The following NAV2 variants were observed in gnomAD, a reference collection of about 807,000 sequenced individuals.
NAV2 encodes the protein helicase, APC down-regulated 1.
A neutral mutation model predicts 223.2 loss-of-function variants in NAV2; 54 were observed. The ratio of observed to expected loss-of-function variants is 0.24; its 90% CI spans 0.19 to 0.30. The LOEUF is 0.30. Among genes scored for constraint, NAV2 ranks in the 10% least tolerant of loss-of-function variants. The probability of loss-of-function intolerance (pLI) is 1.00; values close to 1 mark genes in which losing one functional copy is unlikely to be tolerated. For synonymous variants in NAV2, 1,279 were observed against 1,239.3 expected (o/e 1.03, Z -0.67); for missense variants, 2,806 against 3,147.5 (o/e 0.89, Z 2.60).
intron 1 of NAV2, among the ~76,000 whole-genome samples, chr11:19,671,165 C>G (rs901350854): frequency 1.3e-5 from 2 of 152,204 alleles, no homozygotes; most frequent in Admixed American, 1.3e-4. Flanking sequence ...TATCTCTGAT[C>G]TAGTTCTTGA....
chr11:19,611,627 C>A (rs751090430), intron 1 of NAV2, among the ~76,000 whole-genome samples: 251 of 152,296 alleles, frequency 1.6e-3, no homozygotes, highest in Non-Finnish European at 3.2e-3. Flanking sequence ...TTTAAAGCTC[C>A]AAAATGATCT....
intron 1 of NAV2, among the ~76,000 whole-genome samples, chr11:19,644,513 G>A (rs76622848): frequency 0.011 from 1,675 of 152,348 alleles, 29 homozygotes; most frequent in African/African-American, 0.038. Flanking sequence ...CAGGAAGGCG[G>A]ACTGTGGTCT....
At chr11:19,966,638 A>T (rs2048795991) in intron 10 of NAV2, among the ~76,000 whole-genome samples, 1 of 151,932 alleles carries the variant, frequency 6.6e-6, no homozygotes, top group Non-Finnish European at 1.5e-5. Context: ...TCTGTCCATA[A>T]ACTCCTCCCC....
chr11:20,080,059 T>C lies in NAV2; in HGVS notation c.5180-5T>C, dbSNP rs199665483. On this transcript the variant is annotated splice_region_variant and splice_polypyrimidine_tract_variant and intron_variant, in intron 24 of 37. Transcript: ENST00000349880. ...GCTGCTGAAACACCCTGCCTTGGTCTCCAGGAAACGGCACTGCCCAGTCTG... is the reference window on the plus strand; with the variant it reads ...GCTGCTGAAACACCCTGCCTTGGTCCCCAGGAAACGGCACTGCCCAGTCTG... The C allele has an allele frequency of 9.3e-6, 15 of 1,613,174 alleles. No individual in the cohort carries two copies. In the East Asian group the frequency reaches 3.3e-4, roughly 36 times the overall value.
At chr11:19,948,612 T>C in intron 9 of NAV2, 79 bp from the exon 10 acceptor site, 2 of 1,409,566 alleles carry the variant, frequency 1.4e-6, no homozygotes, top group Non-Finnish European at 1.9e-6. Context: ...TATTTCATAA[T>C]TCTAAATAAT....
At chr11:19,829,737 C>G (rs2059826294) in intron 1 of NAV2, among the ~76,000 whole-genome samples, 1 of 152,192 alleles carries the variant, frequency 6.6e-6, no homozygotes. Context: ...CAATTGCCTT[C>G]ACTTCCTGAG....
chr11:19,966,826 T>C (rs562668354), intron 10 of NAV2, among the ~76,000 whole-genome samples: 1 of 152,318 alleles, frequency 6.6e-6, no homozygotes, highest in South Asian at 2.1e-4. Flanking sequence ...CAGGCCAGAA[T>C]ATCCTTGAAC....
chr11:20,069,485 C>A (rs549580542), intron 22 of NAV2, among the ~76,000 whole-genome samples: 1 of 152,254 alleles, frequency 6.6e-6, no homozygotes, highest in South Asian at 2.1e-4. Context: ...GGCTGGTTTG[C>A]ACTTTAGATA....
At chr11:19,482,687 T>C (rs964685435) in intron 1 of NAV2, among the ~76,000 whole-genome samples, 1 of 152,156 alleles carries the variant, frequency 6.6e-6, no homozygotes, top group Non-Finnish European at 1.5e-5. Context: ...TGAGAAGTCA[T>C]CTGGAGCTGG....
chr11:20,105,855 G>A (rs1261562726), intron 35 of NAV2, 128 bp downstream of exon 35: 4 of 725,288 alleles, frequency 5.5e-6, no homozygotes, highest in East Asian at 2.7e-5. Context: ...GATAGAAAGT[G>A]GGGCAGAGGG....
chr11:19,578,424 T>C (rs10741780), intron 1 of NAV2, among the ~76,000 whole-genome samples: 116,820 of 152,154 alleles, frequency 0.77, 47,192 homozygotes, highest in Non-Finnish European at 0.9. Flanking sequence ...CCTGATGTCA[T>C]TGAGCCTCTA....
intron 10 of NAV2, among the ~76,000 whole-genome samples, chr11:19,964,092 A>G (rs1190313527): frequency 6.6e-6 from 1 of 152,188 alleles, no homozygotes; most frequent in Admixed American, 6.5e-5. Flanking sequence ...AGCTTTATTA[A>G]TCGAGTGACT....
At chr11:19,824,598 G>A (rs1259769392) in intron 1 of NAV2, among the ~76,000 whole-genome samples, 2 of 152,192 alleles carry the variant, frequency 1.3e-5, no homozygotes, top group Admixed American at 1.3e-4. Context: ...ACTATTGTAA[G>A]GAGGTGGTTT....
intron 8 of NAV2, among the ~76,000 whole-genome samples, chr11:19,942,779 T>G (rs2046509929): frequency 2.0e-5 from 3 of 151,994 alleles, no homozygotes; most frequent in Admixed American, 2.0e-4. Flanking sequence ...AGGCCAGGAG[T>G]TTGAGACTAG....
At chr11:19,895,398 A>G (rs2041892643) in intron 6 of NAV2, among the ~76,000 whole-genome samples, 1 of 152,042 alleles carries the variant, frequency 6.6e-6, no homozygotes, top group South Asian at 2.1e-4. Context: ...ATGGTACCTG[A>G]TCTTTACAAA....
intron 1 of NAV2, among the ~76,000 whole-genome samples, chr11:19,654,827 A>G (rs186821829): frequency 0.01 from 1,549 of 152,364 alleles, 37 homozygotes; most frequent in East Asian, 0.065. Flanking sequence ...GGACATAGGC[A>G]TGGGCAAGGA....
chr11:19,970,502 T>C (rs933779714), intron 10 of NAV2, among the ~76,000 whole-genome samples: 1 of 152,218 alleles, frequency 6.6e-6, no homozygotes, highest in Non-Finnish European at 1.5e-5. Flanking sequence ...CTTTCTTCAG[T>C]ATACCAAGAA....
intron 1 of NAV2, among the ~76,000 whole-genome samples, chr11:19,573,864 T>C (rs183583970): frequency 6.6e-6 from 1 of 152,222 alleles, no homozygotes; most frequent in Admixed American, 6.5e-5. Context: ...TTGGCAAGGG[T>C]GCTGTGTCAG....
intron 1 of NAV2, among the ~76,000 whole-genome samples, chr11:19,587,137 A>G (rs909315382): frequency 1.3e-5 from 2 of 152,136 alleles, no homozygotes; most frequent in African/African-American, 4.8e-5. Context: ...TTGCTGTGCT[A>G]GCAATGAGCA....
Sources: gnomAD v4.1 joint callset for allele counts (sites outside exome capture counted in the v4.1 genomes callset) on GRCh38, gnomAD v4.1.1 for gene constraint, MANE v1.5 for transcripts, NCBI Gene and HGNC (gene_info 2026-07-23, HGNC 2026-07-21) for gene names.